IHO1: variants seen among roughly 807,000 people sequenced by gnomAD.
IHO1 encodes the protein interactor of HORMAD1 protein 1.
Under a neutral mutation model 31.0 loss-of-function variants are expected in IHO1, and 13 were observed. The observed-to-expected ratio is 0.42, with a 90% confidence interval of 0.27 to 0.67. IHO1 has a LOEUF of 0.67. Ranked by LOEUF, IHO1 falls within the 30% of genes least tolerant of loss-of-function variation. IHO1 has a pLI of 0.24. For missense variants in IHO1, 599 were observed against 687.5 expected (o/e 0.87, Z 1.44); for synonymous variants, 221 against 248.4 (o/e 0.89, Z 1.04).
At chr3:49,247,149 G>T (rs1391562843) in intron 6 of IHO1, among the ~76,000 whole-genome samples, 1 of 150,742 alleles carries the variant, frequency 6.6e-6, no homozygotes, top group African/African-American at 2.4e-5. Flanking sequence ...GCGCCTGGCA[G>T]GTTCCTTAAT....
chr3:49,240,082 G>A (rs1490743196), intron 3 of IHO1, among the ~76,000 whole-genome samples: 1 of 151,948 alleles, frequency 6.6e-6, no homozygotes, highest in Non-Finnish European at 1.5e-5. Context: ...GTCGCACTCT[G>A]TCACCCGGGC....
chr3:49,236,139 G>A (rs569571044), intron 2 of IHO1, among the ~76,000 whole-genome samples: 10 of 152,274 alleles, frequency 6.6e-5, no homozygotes, highest in African/African-American at 2.2e-4. Context: ...TACCCAGGAG[G>A]CTGAGGCTGC....
At chr3:49,210,360 C>T (rs1052833819) in intron 1 of IHO1, among the ~76,000 whole-genome samples, 1 of 151,990 alleles carries the variant, frequency 6.6e-6, no homozygotes, top group Non-Finnish European at 1.5e-5. Context: ...TCTCAGCCTC[C>T]CAAGTAGGTG....
At chr3:49,221,111 C>T (rs2046350548) in intron 2 of IHO1, among the ~76,000 whole-genome samples, 1 of 152,080 alleles carries the variant, frequency 6.6e-6, no homozygotes, top group Admixed American at 6.5e-5. Context: ...CATTTACAAT[C>T]CTTTAGCTAG....
Position 49,257,076 on chromosome 3 carries a change from A to G in IHO1, c.1579A>G (p.Arg527Gly). 6.2e-7 allele frequency: 1 copy of G among 1,614,184 alleles called. No individual in the cohort carries two copies. Among genetic ancestry groups the G allele is most frequent in the Non-Finnish European group, 8.5e-7 (1 of 1,180,032 alleles). The change falls in exon 8 of 8, where the codon AGG becomes GGG. Residue 527 changes from arginine to glycine, a missense_variant. Arg to Gly is a moderately radical substitution (Grantham distance 125). Coordinates refer to ENST00000452691, the MANE Select transcript of IHO1 (RefSeq NM_001135197.2). ...AACAGTCATGCCCAATAAGACAGTA[A>G]GGGCAGTGCAGGGAAGACTCTTGCA... is the stretch of plus-strand genomic sequence containing the variant. ...GGTVMPNKTV[R>G]AVQGRLLQLS...
chr3:49,208,395 C>T (rs1209255578), intron 1 of IHO1, among the ~76,000 whole-genome samples: 1 of 152,150 alleles, frequency 6.6e-6, no homozygotes, highest in Middle Eastern at 3.2e-3. Flanking sequence ...GTGCATGAAC[C>T]TTATTGTGAA....
chr3:49,227,583 G>C (rs1426209763), intron 2 of IHO1, among the ~76,000 whole-genome samples: 1 of 152,070 alleles, frequency 6.6e-6, no homozygotes, highest in East Asian at 1.9e-4. Flanking sequence ...CTGCACCCTT[G>C]CCTGTCTTCC....
intron 4 of IHO1, among the ~76,000 whole-genome samples, chr3:49,243,585 C>T (rs1170479870): frequency 1.3e-5 from 2 of 151,246 alleles, no homozygotes; most frequent in Admixed American, 6.6e-5. Context: ...GATGAAACCC[C>T]GTCTCTACTA....
intron 2 of IHO1, among the ~76,000 whole-genome samples, chr3:49,222,076 T>C (rs2046360795): frequency 6.6e-6 from 1 of 152,208 alleles, no homozygotes; most frequent in Admixed American, 6.5e-5. Context: ...TTTGGGATTG[T>C]AGAGTAAGGA....
intron 1 of IHO1, among the ~76,000 whole-genome samples, chr3:49,200,285 C>T (rs1035639224): frequency 1.6e-4 from 24 of 151,496 alleles, no homozygotes; most frequent in Non-Finnish European, 3.2e-4. Context: ...GCCAACATAG[C>T]GAAAACCCGT....
Position 49,256,334 on chromosome 3 carries a change from G to A in IHO1, c.837G>A (p.Gln279=). The A allele has an allele frequency of 6.2e-7, 1 of 1,614,156 alleles. No individual in the cohort carries two copies. The change falls in exon 8 of 8, where the codon CAG becomes CAA. Residue 279 remains glutamine (Q), a synonymous_variant. Coordinates refer to ENST00000452691, the MANE Select transcript of IHO1 (RefSeq NM_001135197.2). The surrounding 1 kb of genome is among the most constrained non-coding windows in gnomAD (Gnocchi z 4.6). ...CTCAGACGTCGCCACCTTTGGCCCA[G>A]AGCCTCAATCTCACCAGGCAGGAAA... ...SASQTSPPLA[Q]SLNLTRQEKY...
intron 1 of IHO1, among the ~76,000 whole-genome samples, chr3:49,209,571 G>A (rs1235571443): frequency 1.3e-5 from 2 of 151,574 alleles, no homozygotes; most frequent in African/African-American, 4.8e-5. Flanking sequence ...GGGAGGCAGC[G>A]GTTGCAGTTA....
Position 49,209,560 on chromosome 3 carries a change from C to T in IHO1, c.-15-2206C>T, listed in dbSNP as rs571246721. ...CTGAGGCAGGAGAATAGCTTGAGCC[C>T]GGGAGGCAGCGGTTGCAGTTAGCTA... On this transcript the variant is annotated intron_variant, in intron 1 of 7. Coordinates refer to ENST00000452691, the MANE Select transcript of IHO1 (RefSeq NM_001135197.2). Among the ~76,000 whole-genome samples, 411 of 151,394 alleles carry T rather than the reference C, an allele frequency of 2.7e-3. 1 individual carries two copies. The highest frequency in any genetic ancestry group is 4.5e-3 in the Non-Finnish European group (307 of 67,838).
At chr3:49,251,956 C>G (rs566371925) in intron 6 of IHO1, among the ~76,000 whole-genome samples, 1 of 152,006 alleles carries the variant, frequency 6.6e-6, no homozygotes, top group Admixed American at 6.6e-5. Context: ...CTCAGCCTCC[C>G]GAGTAGCTGG....
intron 2 of IHO1, among the ~76,000 whole-genome samples, chr3:49,228,771 G>A (rs1020657740): frequency 1.2e-4 from 19 of 152,298 alleles, no homozygotes; most frequent in Admixed American, 1.0e-3. Flanking sequence ...CTTAAAGGTG[G>A]TGTGGACCCA....
chr3:49,238,209 C>A (rs1454307504), intron 3 of IHO1, among the ~76,000 whole-genome samples: 1 of 151,848 alleles, frequency 6.6e-6, no homozygotes, highest in Admixed American at 6.6e-5. Flanking sequence ...CAGCCTGATT[C>A]TTTGAGATCA....
At chr3:49,199,385 C>T (rs1350433799), upstream of IHO1, 2 of 151,430 alleles carry the variant, frequency 1.3e-5, no homozygotes, top group African/African-American at 2.4e-5. Context: ...CGCGAGTTGC[C>T]GTTAGGACAG....
intron 2 of IHO1, among the ~76,000 whole-genome samples, chr3:49,226,461 G>T (rs2046418217): frequency 6.6e-6 from 1 of 152,182 alleles, no homozygotes; most frequent in Non-Finnish European, 1.5e-5. Context: ...CTGAGTTATG[G>T]TGGACATCAT....
chr3:49,211,478 A>G (rs1374881048), intron 1 of IHO1, among the ~76,000 whole-genome samples: 1 of 152,004 alleles, frequency 6.6e-6, no homozygotes, highest in African/African-American at 2.4e-5. Context: ...CAGTGGCATG[A>G]TACAAAAATT....
Sources: gnomAD v4.1 joint callset for allele counts (sites outside exome capture counted in the v4.1 genomes callset) on GRCh38, gnomAD v4.1.1 for gene constraint, Gnocchi (gnomAD v3.1) non-coding constraint, MANE v1.5 for transcripts, NCBI Gene and HGNC (gene_info 2026-07-23, HGNC 2026-07-21) for gene names.